ATP10B: variants seen among roughly 807,000 people sequenced by gnomAD.
ATP10B encodes ATPase phospholipid transporting 10B (putative).
Under a neutral mutation model 141.2 loss-of-function variants are expected in ATP10B, and 122 were observed. That is an observed-to-expected ratio of 0.86 (90% CI 0.75 to 1.00). ATP10B has a LOEUF of 1.00. Ranked by LOEUF, ATP10B falls within the 50% of genes least tolerant of loss-of-function variation. ATP10B has a pLI of 0.00. For missense variants in ATP10B, 1,876 were observed against 1,825.3 expected, an observed-to-expected ratio of 1.03 and a Z score of -0.51; for synonymous variants, 685 against 692.0, an observed-to-expected ratio of 0.99 and a Z score of 0.16.
At chr5:160,720,411 C>T (rs1765920884) in intron 2 of ATP10B, among the ~76,000 whole-genome samples, 2 of 152,172 alleles carry the variant, frequency 1.3e-5, no homozygotes. Context: ...CACTGGCTTT[C>T]TTTCCTGGGA....
In ATP10B at chr5:160,719,129, G is replaced by A. The variant is rs370251475; in HGVS notation, c.-330-2095C>T. 2.2e-4 allele frequency among the ~76,000 whole-genome samples: 34 copies of A among 152,280 alleles called. No homozygotes were observed. The South Asian group carries it at 6.0e-3, about 27-fold the overall frequency. On this transcript the variant is annotated intron_variant, in intron 2 of 25. Coordinates refer to ENST00000327245, the MANE Select transcript of ATP10B (RefSeq NM_025153.3). ...ATTAAAAGTAATGGCGGCCGGGCAC[G>A]GTGGCTCACGCCTGTAATCCCAGCA... is the stretch of plus-strand genomic sequence containing the variant.
At chr5:160,670,998 C>CTACTAAAAATACAAAAA (rs1479053688) in intron 6 of ATP10B, among the ~76,000 whole-genome samples, 1 of 151,732 alleles carries the variant, frequency 6.6e-6, no homozygotes, top group African/African-American at 2.4e-5. Flanking sequence ...AACCCTGTCT[C>CTACTAAAAATACAAAAA]TACTAAAAAT....
chr5:160,610,603 G>A (rs890860590), intron 18 of ATP10B, among the ~76,000 whole-genome samples: 1 of 152,212 alleles, frequency 6.6e-6, no homozygotes, highest in African/African-American at 2.4e-5. Flanking sequence ...CTAAAAGTAA[G>A]TAGTTTTCTT....
rs556902727 is a variant in ATP10B, at chr5:160,770,463, A to C, written c.-331+15096T>G. Among the ~76,000 whole-genome samples the C allele has an allele frequency of 1.9e-3, 291 of 152,238 alleles. 1 individual carries two copies. The highest frequency in any genetic ancestry group is 5.6e-3 in the South Asian group (27 of 4,822). On this transcript the variant is annotated intron_variant, in intron 2 of 25. Coordinates refer to ENST00000327245, the MANE Select transcript of ATP10B (RefSeq NM_025153.3). ...ATTTTTTTTCCTTTTCCTTAGGCTT[A>C]ATTTAAAAATCAGATGAATTGAATT...
the ATP10B span, among the ~76,000 whole-genome samples, chr5:160,922,479 G>C: frequency 6.6e-6 from 1 of 152,148 alleles, no homozygotes; most frequent in East Asian, 1.9e-4. Flanking sequence ...TGGGCAAAAA[G>C]GCAGGTCCGA....
intron 19 of ATP10B, 21 bp downstream of exon 19, chr5:160,606,744 G>C (rs766917904): frequency 1.9e-6 from 3 of 1,599,840 alleles, no homozygotes; most frequent in South Asian, 1.1e-5. Flanking sequence ...AGTGCCACCC[G>C]CATCTCAGTA....
chr5:160,807,862 G>A (rs1772890799), intron 1 of ATP10B, among the ~76,000 whole-genome samples: 1 of 152,092 alleles, frequency 6.6e-6, no homozygotes, highest in Admixed American at 6.5e-5. Flanking sequence ...ACTACAATGG[G>A]CTACCCTGCT....
At chr5:160,731,331 C>G (rs1281872021) in intron 2 of ATP10B, among the ~76,000 whole-genome samples, 1 of 152,186 alleles carries the variant, frequency 6.6e-6, no homozygotes, top group African/African-American at 2.4e-5. Flanking sequence ...TGTACCTAGG[C>G]TAATCCTCTG....
intron 3 of ATP10B, among the ~76,000 whole-genome samples, chr5:160,709,630 C>CT (rs1333282716): frequency 5.0e-4 from 66 of 131,514 alleles, no homozygotes; most frequent in African/African-American, 1.9e-3. Context: ...TTATTATACT[C>CT]TAAGTTTTAG....
the ATP10B span, among the ~76,000 whole-genome samples, chr5:160,869,540 C>T: frequency 6.6e-6 from 1 of 152,106 alleles, no homozygotes; most frequent in South Asian, 2.1e-4. Flanking sequence ...GCACTTCTGG[C>T]TTCCAATTCT....
intron 1 of ATP10B, among the ~76,000 whole-genome samples, chr5:160,831,061 C>T (rs1481852996): frequency 1.3e-5 from 2 of 151,696 alleles, no homozygotes; most frequent in Non-Finnish European, 2.9e-5. Context: ...CTTATATTAA[C>T]TCTCATCTTT....
intron 3 of ATP10B, among the ~76,000 whole-genome samples, chr5:160,716,044 CAT>C (rs1355464368): frequency 1.3e-5 from 2 of 152,130 alleles, no homozygotes; most frequent in African/African-American, 2.4e-5. Context: ...TGAAAGTGCA[CAT>C]GTTCTTAGAC....
chr5:160,632,121 G>T lies in ATP10B; in HGVS notation c.1620+8C>A, dbSNP rs1758975535. The T allele has an allele frequency of 6.2e-7, 1 of 1,607,668 alleles. No individual in the cohort carries two copies. The highest frequency in any genetic ancestry group is 1.3e-5 in the African/African-American group (1 of 74,734). On this transcript the variant is annotated splice_region_variant and intron_variant, in intron 13 of 25. Transcript: ENST00000327245. ...ACTTACAGTTCAAAGGCAAAAGTCA[G>T]GACTTACTATGGAGCTGCTGAAGGC... is the stretch of plus-strand genomic sequence containing the variant.
Position 160,612,875 on chromosome 5 carries a change from C to A in ATP10B, c.2704G>T (p.Ala902Ser), listed in dbSNP as rs765262223. 3.7e-6 allele frequency: 6 copies of A among 1,613,968 alleles called. No homozygotes were observed. The South Asian group carries it at 6.6e-5, about 18-fold the overall frequency. Residue 902 changes from alanine to serine, a missense_variant, in exon 18 of 26, where the codon GCC becomes TCC. Transcript: ENST00000327245. The stretch of plus-strand genomic sequence containing the variant: ...TGGATCCCAGCCTCCCGCAGAGTGG[C>A]AATCGTATCTGGAACTCCTTCCTGC... Reference protein sequence around the residue: ...RLQEGVPDTIATLREAGIQLW... With the variant: ...RLQEGVPDTISTLREAGIQLW...
At chr5:160,760,687 C>T (rs1314595056) in intron 2 of ATP10B, among the ~76,000 whole-genome samples, 1 of 152,216 alleles carries the variant, frequency 6.6e-6, no homozygotes, top group African/African-American at 2.4e-5. Context: ...TGGAACACAG[C>T]TGGAGTGAGC....
intron 2 of ATP10B, among the ~76,000 whole-genome samples, chr5:160,767,642 C>CCCCCCT (rs72043686): frequency 1.1e-5 from 1 of 94,496 alleles, no homozygotes; most frequent in African/African-American, 3.3e-5. Flanking sequence ...AGAACCCCCC[C>CCCCCCT]CCCCAAAATA....
chr5:160,656,982 C>T (rs1455496680), intron 7 of ATP10B, among the ~76,000 whole-genome samples: 1 of 152,082 alleles, frequency 6.6e-6, no homozygotes, highest in Admixed American at 6.6e-5. Context: ...ACATGATTCC[C>T]AGGCTAAAGG....
chr5:160,914,943 A>C, the ATP10B span, among the ~76,000 whole-genome samples: 1 of 152,204 alleles, frequency 6.6e-6, no homozygotes, highest in African/African-American at 2.4e-5. Context: ...ATATTTTGTA[A>C]AGCCTGGAAG....
At position 160,762,539 on chromosome 5, in the gene ATP10B, C is replaced by T. The variant is rs552581984; in HGVS notation, c.-331+23020G>A. Among the ~76,000 whole-genome samples the T allele has an allele frequency of 2.9e-4, 44 of 152,164 alleles. 1 individual carries two copies. The South Asian group carries it at 9.0e-3, about 31-fold the overall frequency. ...AGAATTTGCCACTACCAAGCCAGCACTACAAGAAATGGCAAAAGGAGTTCT... is the reference window on the plus strand; with the variant it reads ...AGAATTTGCCACTACCAAGCCAGCATTACAAGAAATGGCAAAAGGAGTTCT... On this transcript the variant is annotated intron_variant, in intron 2 of 25. Transcript: ENST00000327245.
Sources: gnomAD v4.1 joint callset for allele counts (sites outside exome capture counted in the v4.1 genomes callset) on GRCh38, gnomAD v4.1.1 for gene constraint, MANE v1.5 for transcripts, NCBI Gene and HGNC (gene_info 2026-07-23, HGNC 2026-07-21) for gene names.